Variants in MINDY4 observed in about 807,000 individuals in gnomAD.
MINDY4 encodes MINDY lysine 48 deubiquitinase 4, also known as probable ubiquitin carboxyl-terminal hydrolase MINDY-4.
In MINDY4, 68 loss-of-function variants were observed where a neutral mutation model predicts 87.0. The observed-to-expected ratio is 0.78, with a 90% CI of 0.64 to 0.96. The LOEUF is 0.96. MINDY4 is among the 40% of genes least tolerant of loss of function. The pLI, the probability that MINDY4 is intolerant of heterozygous loss-of-function variation, is 0.00. For synonymous variants in MINDY4, 379 were observed against 363.2 expected (o/e 1.04, Z -0.50); for missense variants, 919 against 928.2 (o/e 0.99, Z 0.13).
chr7:30,790,645 A>G (rs1036294934), intron 4 of MINDY4, among the ~76,000 whole-genome samples: 6 of 152,106 alleles, frequency 3.9e-5, no homozygotes, highest in African/African-American at 1.4e-4. Flanking sequence ...GGGTTTCACC[A>G]CATTGGCAAG....
At chr7:30,880,505 C>G (rs533684215) in intron 15 of MINDY4, among the ~76,000 whole-genome samples, 1 of 152,284 alleles carries the variant, frequency 6.6e-6, no homozygotes, top group South Asian at 2.1e-4. Flanking sequence ...ACTTTTGTCT[C>G]TCCGTTGGAA....
chr7:30,811,310 A>G (rs556643700), intron 5 of MINDY4, among the ~76,000 whole-genome samples: 1 of 152,362 alleles, frequency 6.6e-6, no homozygotes, highest in South Asian at 2.1e-4. Flanking sequence ...AGGAGTTATA[A>G]TAGTAATAGA....
chr7:30,862,464 G>A (rs953399189), intron 13 of MINDY4, among the ~76,000 whole-genome samples: 1 of 152,196 alleles, frequency 6.6e-6, no homozygotes, highest in Non-Finnish European at 1.5e-5. Context: ...CTCCAGCGGC[G>A]CTCCCTGCAT....
At chr7:30,840,536 A>C (rs62449078) in intron 8 of MINDY4, among the ~76,000 whole-genome samples, 22,434 of 152,144 alleles carry the variant, frequency 0.15, 1,804 homozygotes, top group Middle Eastern at 0.27. Context: ...TGACACACTG[A>C]CAACTGGCCC....
chr7:30,851,672 CT>C (rs561289414), intron 10 of MINDY4, among the ~76,000 whole-genome samples: 74 of 152,344 alleles, frequency 4.9e-4, no homozygotes, highest in African/African-American at 1.7e-3. Context: ...CAATTTCTCC[CT>C]GTTTTACAGA....
chr7:30,786,930 G>GT (rs1282064099), intron 4 of MINDY4, among the ~76,000 whole-genome samples: 1 of 152,168 alleles, frequency 6.6e-6, no homozygotes, highest in Non-Finnish European at 1.5e-5. Context: ...TCAAAGTGCC[G>GT]TATCAGTCAA....
chr7:30,825,519 G>A (rs746915000), intron 5 of MINDY4, among the ~76,000 whole-genome samples: 1 of 152,214 alleles, frequency 6.6e-6, no homozygotes, highest in Non-Finnish European at 1.5e-5. Context: ...CTTGTCCTGC[G>A]GTCTGCAGGA....
intron 13 of MINDY4, among the ~76,000 whole-genome samples, chr7:30,862,907 C>G (rs930509417): frequency 6.6e-6 from 1 of 152,158 alleles, no homozygotes; most frequent in Non-Finnish European, 1.5e-5. Flanking sequence ...CCCAAATAAG[C>G]TTTATTTTCA....
In MINDY4 at chr7:30,882,219, G is replaced by T. The variant is rs770433109; in HGVS notation, c.2010G>T (p.Trp670Cys). 2 of 1,613,408 alleles carry T rather than the reference G, an allele frequency of 1.2e-6. No individual in the cohort carries two copies. Among genetic ancestry groups the T allele is most frequent in the Admixed American group, 3.3e-5 (2 of 59,998 alleles). Residue 670 changes from tryptophan (W) to cysteine (C), a missense_variant, in exon 16 of 18, where the codon TGG (tryptophan) becomes TGT (cysteine). Trp to Cys is a radical substitution (Grantham distance 215, BLOSUM62 -2). Coordinates refer to ENST00000265299, the MANE Select transcript of MINDY4 (RefSeq NM_032222.3). ...CFLKTPRFPI[W>C]VVCSESHFSI... Reference sequence around the variant, plus strand: ...TGAAGACCCCGAGGTTCCCCATCTGGGTGGTTTGCAGTGAGAGCCACTTCA... The same window carrying T: ...TGAAGACCCCGAGGTTCCCCATCTGTGTGGTTTGCAGTGAGAGCCACTTCA...
At chr7:30,805,584 T>C (rs1282360471) in intron 5 of MINDY4, among the ~76,000 whole-genome samples, 1 of 151,990 alleles carries the variant, frequency 6.6e-6, no homozygotes, top group Non-Finnish European at 1.5e-5. Flanking sequence ...GAAGAGCCAG[T>C]CTCCTGGAGG....
At chr7:30,823,276 C>T (rs1356876067) in intron 5 of MINDY4, among the ~76,000 whole-genome samples, 1 of 152,100 alleles carries the variant, frequency 6.6e-6, no homozygotes, top group East Asian at 1.9e-4. Flanking sequence ...TATCCTGTTC[C>T]TCAAAAACCT....
At chr7:30,829,784 A>C (rs1298688331) in intron 6 of MINDY4, among the ~76,000 whole-genome samples, 1 of 152,204 alleles carries the variant, frequency 6.6e-6, no homozygotes, top group Non-Finnish European at 1.5e-5. Context: ...TTTGTGCACC[A>C]CTGCACTTTA....
intron 4 of MINDY4, among the ~76,000 whole-genome samples, chr7:30,790,176 G>A (rs999868362): frequency 2.6e-5 from 4 of 152,154 alleles, no homozygotes; most frequent in African/African-American, 7.2e-5. Context: ...AGTACTACAG[G>A]TGCCTCATCC....
At chr7:30,841,907 A>T (rs1789050684) in intron 9 of MINDY4, among the ~76,000 whole-genome samples, 1 of 152,212 alleles carries the variant, frequency 6.6e-6, no homozygotes, top group Non-Finnish European at 1.5e-5. Context: ...TGAAATAAGC[A>T]TTTGAGAATC....
intron 5 of MINDY4, among the ~76,000 whole-genome samples, chr7:30,794,537 C>T (rs1301119655): frequency 6.6e-6 from 1 of 152,132 alleles, no homozygotes; most frequent in African/African-American, 2.4e-5. Context: ...GAGGATGCAA[C>T]CTGCTGAGAT....
intron 7 of MINDY4, among the ~76,000 whole-genome samples, chr7:30,837,317 C>G (rs931448934): frequency 3.0e-4 from 46 of 152,138 alleles, no homozygotes; most frequent in African/African-American, 9.4e-4. Context: ...GTGGCCTCAC[C>G]ACTCCCGTGA....
chr7:30,812,921 G>C (rs1334310897), intron 5 of MINDY4, among the ~76,000 whole-genome samples: 1 of 152,232 alleles, frequency 6.6e-6, no homozygotes, highest in Non-Finnish European at 1.5e-5. Context: ...TGCTTCCGAT[G>C]GTTTTCCATT....
At chr7:30,870,581 T>G (rs1371406770) in intron 13 of MINDY4, among the ~76,000 whole-genome samples, 1 of 152,170 alleles carries the variant, frequency 6.6e-6, no homozygotes, top group East Asian at 1.9e-4. Context: ...ACCATAAACC[T>G]TCCGTGTTTG....
At chr7:30,774,186 C>T (rs1423453414) in intron 1 of MINDY4, among the ~76,000 whole-genome samples, 1 of 152,232 alleles carries the variant, frequency 6.6e-6, no homozygotes, top group African/African-American at 2.4e-5. Context: ...TCTCTTCAAA[C>T]CCTGAAGCTC....
Sources: allele counts gnomAD v4.1 joint callset (sites outside exome capture counted in the v4.1 genomes callset), GRCh38; gene constraint gnomAD v4.1.1; transcripts MANE v1.5; gene names NCBI Gene and HGNC (gene_info 2026-07-23, HGNC 2026-07-21).